PLXND1: variants seen among roughly 807,000 people sequenced by gnomAD.
PLXND1 encodes plexin-D1.
Under a neutral mutation model 197.7 loss-of-function variants are expected in PLXND1, and 54 were observed. The observed-to-expected ratio is 0.27, with a 90% CI of 0.22 to 0.34. PLXND1 has a LOEUF of 0.34. PLXND1 is among the 10% of genes least tolerant of loss of function. The pLI is 1.00. For synonymous variants in PLXND1, 1,180 were observed against 1,161.2 expected (o/e 1.02, Z -0.33); for missense variants, 2,127 against 2,699.2 (o/e 0.79, Z 4.70).
intron 8 of PLXND1, among the ~76,000 whole-genome samples, chr3:129,580,608 T>C (rs1220552738): frequency 6.6e-6 from 1 of 152,066 alleles, no homozygotes; most frequent in Admixed American, 6.6e-5. Context: ...CAGTGAATGA[T>C]GTGTGACCAT....
At chr3:129,581,299 T>C (rs2085384976) in intron 8 of PLXND1, among the ~76,000 whole-genome samples, 1 of 152,226 alleles carries the variant, frequency 6.6e-6, no homozygotes, top group African/African-American at 2.4e-5. Context: ...GGCTAGTTAC[T>C]GTAATTCTCA....
rs1208037803 is a variant in PLXND1 at position 129,560,364 on chromosome 3, G to A, written c.5099C>T (p.Pro1700Leu). ...HRQSHRKKVLPEIYLTRLLST... is the reference protein window; with the variant it reads ...HRQSHRKKVLLEIYLTRLLST... ...GAGCAGGCGGGTCAGGTAGATTTCC[G>A]GGAGCACCTTCTTGCGATGGCTCTG... The change falls in exon 31 of 36, where the codon CCG (proline) becomes CTG (leucine). Residue 1700 changes from proline (P) to leucine (L), a missense_variant. Physicochemically the swap from Pro to Leu is moderately conservative, Grantham distance 98 (BLOSUM62 -3). Coordinates refer to ENST00000324093, the MANE Select transcript of PLXND1 (RefSeq NM_015103.3). 5.6e-6 allele frequency: 9 copies of A among 1,613,684 alleles called. No homozygotes were observed. The highest frequency in any genetic ancestry group is 1.3e-5 in the African/African-American group (1 of 74,924).
Position 129,586,239 on chromosome 3 carries a change from G to A in PLXND1, c.1654C>T (p.His552Tyr). The change falls in exon 4 of 36, where the codon CAC becomes TAC. Residue 552 changes from histidine to tyrosine, a missense_variant. Coordinates refer to ENST00000324093, the MANE Select transcript of PLXND1 (RefSeq NM_015103.3). ...CCCACGCAGTCCCCACAGGTGGAGT[G>A]CACGTTGCAGGCGGCGACCTTCACC... ...ARVKVAACNVHSTCGDCVGAA... is the reference protein window; with the variant it reads ...ARVKVAACNVYSTCGDCVGAA... The A allele has an allele frequency of 6.3e-7, 1 of 1,594,596 alleles. No individual in the cohort carries two copies. Among genetic ancestry groups the A allele is most frequent in the Non-Finnish European group, 8.5e-7 (1 of 1,175,148 alleles).
rs2085429945 is a variant in PLXND1 at position 129,584,392 on chromosome 3, G to T, written c.2022C>A (p.Pro674=). The T allele has an allele frequency of 1.2e-6, 2 of 1,611,338 alleles. No individual in the cohort carries two copies. Among genetic ancestry groups the T allele is most frequent in the Admixed American group, 1.7e-5 (1 of 59,896 alleles). The part of the protein sequence containing the change: ...LPRDQFPPFP[P]NQDHVTVEMS... ...ACAGCACAGCGTGCTTACCCTGGTT[G>T]GGGGGGAAGGGCGGAAACTGGTCCC... is the stretch of plus-strand genomic sequence containing the variant. Residue 674 remains proline, a synonymous_variant, in exon 6 of 36, where the codon CCC becomes CCA. Transcript: ENST00000324093.
At chr3:129,564,812 C>G (rs1433946221) in intron 25 of PLXND1, among the ~76,000 whole-genome samples, 1 of 152,246 alleles carries the variant, frequency 6.6e-6, no homozygotes. Flanking sequence ...GTACCCGATG[C>G]CTGGAGCACC....
At position 129,567,762 on chromosome 3, in the gene PLXND1, G is replaced by A. The variant is rs781653556; in HGVS notation, c.3909C>T (p.Tyr1303=). Residue 1303 remains tyrosine (Y), a synonymous_variant, in exon 21 of 36, where the codon TAC becomes TAT. Coordinates refer to ENST00000324093, the MANE Select transcript of PLXND1 (RefSeq NM_015103.3). Reference sequence around the variant, plus strand: ...CCATCTGCAGCAGCGTCTTCTGCCAGTAACGCTCAGCACGTCGGCTCTTGG... The same window carrying A: ...CCATCTGCAGCAGCGTCTTCTGCCAATAACGCTCAGCACGTCGGCTCTTGG... The part of the protein sequence containing the change: ...FCTKSRRAER[Y]WQKTLLQMEE... The A allele has an allele frequency of 8.1e-6, 13 of 1,613,392 alleles. 1 individual carries two copies. The Admixed American group carries it at 1.7e-4, about 21-fold the overall frequency.
chr3:129,556,969 G>T, intron 34 of PLXND1, 114 bp downstream of exon 34: 1 of 1,195,600 alleles, frequency 8.4e-7, no homozygotes, highest in Non-Finnish European at 1.2e-6. Context: ...AGCCACTTCT[G>T]AAATGCCCTC....
Position 129,606,223 on chromosome 3 carries a change from C to T in PLXND1, c.417G>A (p.Val139=). Residue 139 remains valine (V), a synonymous_variant, in exon 1 of 36, where the codon GTG becomes GTA. Coordinates refer to ENST00000324093, the MANE Select transcript of PLXND1 (RefSeq NM_015103.3). ...QLDPGQGLVV[V]CGSIYQGFCQ... ...AGAAGCCCTGGTAGATGGACCCGCA[C>T]ACGACTACCAGGCCCTGGCCGGGGT... is the stretch of plus-strand genomic sequence containing the variant. 6.3e-7 allele frequency: 1 copy of T among 1,580,172 alleles called. No homozygotes were observed. The highest frequency in any genetic ancestry group is 1.8e-5 in the Admixed American group (1 of 56,786).
intron 22 of PLXND1, among the ~76,000 whole-genome samples, chr3:129,567,252 G>A (rs986369317): frequency 3.3e-5 from 5 of 152,130 alleles, no homozygotes; most frequent in Non-Finnish European, 2.9e-5. Context: ...CCAGGACAGC[G>A]GGGCTGCAGC....
At chr3:129,576,185 C>A (rs890507214) in intron 9 of PLXND1, among the ~76,000 whole-genome samples, 1 of 152,234 alleles carries the variant, frequency 6.6e-6, no homozygotes, top group East Asian at 1.9e-4. Flanking sequence ...TTCCCCTGCT[C>A]TTCGAGCCTT....
At chr3:129,581,671 CAG>C (rs778632260) in intron 8 of PLXND1, among the ~76,000 whole-genome samples, 2 of 152,182 alleles carry the variant, frequency 1.3e-5, no homozygotes, top group African/African-American at 4.8e-5. Context: ...AACAGAGGCA[CAG>C]AGAGATTCAG....
At chr3:129,597,809 G>A (rs945660454) in intron 1 of PLXND1, among the ~76,000 whole-genome samples, 6 of 152,242 alleles carry the variant, frequency 3.9e-5, no homozygotes, top group African/African-American at 1.4e-4. Flanking sequence ...GGGGGGCAGT[G>A]AGGATCCAAG....
intron 22 of PLXND1, 67 bp from the exon 23 acceptor site, chr3:129,566,698 C>G: frequency 1.0e-6 from 1 of 986,416 alleles, no homozygotes; most frequent in South Asian, 1.5e-5. Flanking sequence ...AAAGGTCACT[C>G]ACACAGAAAG....
intron 26 of PLXND1, 30 bp from the exon 27 acceptor site, chr3:129,562,973 A>G: frequency 6.2e-7 from 1 of 1,603,360 alleles, no homozygotes; most frequent in Non-Finnish European, 8.5e-7. Context: ...GAGAAAGGTC[A>G]GTGAGTTGCT....
chr3:129,592,830 G>GCTCAAACAC (rs2085565651), intron 1 of PLXND1, among the ~76,000 whole-genome samples: 1 of 152,196 alleles, frequency 6.6e-6, no homozygotes, highest in South Asian at 2.1e-4. Flanking sequence ...AGGCAAACCG[G>GCTCAAACAC]CTCAAACACG....
At chr3:129,566,281 G>A in intron 23 of PLXND1, 1 of 597,886 alleles carries the variant, frequency 1.7e-6, no homozygotes, top group South Asian at 2.0e-5. Context: ...TAAGCAGGTT[G>A]AGTGGGGTGT....
rs1325821256 is a variant in PLXND1, at chr3:129,555,468, G to T, written c.*844C>A. 2.4e-5 allele frequency: 16 copies of T among 678,188 alleles called. No individual in the cohort carries two copies. The highest frequency in any genetic ancestry group is 3.7e-5 in the Non-Finnish European group (14 of 378,830). 42.0% of individuals were successfully genotyped at this position (678,188 alleles called of 1,614,324 possible). A position where few individuals can be genotyped will look rare whatever the true frequency, so the allele number is the denominator to read the frequency against. Reference sequence around the variant, plus strand: ...CAGTGTTGCATGGGGAGCCTCTCGGGACCCCTCCCCGGGTCCTCTGCGCAA... The same window carrying T: ...CAGTGTTGCATGGGGAGCCTCTCGGTACCCCTCCCCGGGTCCTCTGCGCAA... On this transcript the variant is annotated 3_prime_UTR_variant, in exon 36 of 36. Coordinates refer to ENST00000324093, the MANE Select transcript of PLXND1 (RefSeq NM_015103.3).
chr3:129,570,741 G>A (rs2085211301), intron 19 of PLXND1, 45 bp downstream of exon 19: 1 of 1,597,706 alleles, frequency 6.3e-7, no homozygotes. Context: ...AGATGGGCCA[G>A]GGGTGGGGCC....
At chr3:129,587,834 T>C (rs1484640518) in intron 2 of PLXND1, among the ~76,000 whole-genome samples, 1 of 152,230 alleles carries the variant, frequency 6.6e-6, no homozygotes, top group Non-Finnish European at 1.5e-5. Context: ...AATGCACACA[T>C]GAGGCCCAGA....
Sources: allele counts gnomAD v4.1 joint callset (sites outside exome capture counted in the v4.1 genomes callset), GRCh38; gene constraint gnomAD v4.1.1; transcripts MANE v1.5; gene names NCBI Gene and HGNC (gene_info 2026-07-23, HGNC 2026-07-21).